The following NEBL variants were observed in gnomAD, a reference collection of about 807,000 sequenced individuals.
NEBL encodes LIM and SH3 protein 2.
In NEBL, 122 loss-of-function variants were observed where a neutral mutation model predicts 140.2. The observed-to-expected ratio is 0.87, with a 90% CI of 0.75 to 1.01. The LOEUF (loss-of-function observed/expected upper bound fraction) is 1.01. NEBL is among the 50% of genes least tolerant of loss of function. The pLI, the probability that NEBL is intolerant of heterozygous loss-of-function variation, is 0.00. For synonymous variants in NEBL, 436 were observed against 398.9 expected (o/e 1.09, Z -1.11); for missense variants, 1,365 against 1,231.3 (o/e 1.11, Z -1.62).
At chr10:21,262,016 AG>A (rs1311205455) in intron 1 of NEBL, among the ~76,000 whole-genome samples, 1 of 152,190 alleles carries the variant, frequency 6.6e-6, no homozygotes, top group Non-Finnish European at 1.5e-5. Context: ...GAAAGCCAAA[AG>A]GCCCCTCTCT....
chr10:20,814,492 C>T (rs1295627749), intron 22 of NEBL, among the ~76,000 whole-genome samples: 1 of 151,610 alleles, frequency 6.6e-6, no homozygotes, highest in Non-Finnish European at 1.5e-5. Flanking sequence ...GTCCCAGCTA[C>T]TTGAGAGGTT....
intron 4 of NEBL, among the ~76,000 whole-genome samples, chr10:20,931,211 T>C (rs1834166396): frequency 6.6e-6 from 1 of 152,184 alleles, no homozygotes; most frequent in Non-Finnish European, 1.5e-5. Context: ...AGACGCACCA[T>C]AATTCTCAAT....
In NEBL at chr10:20,859,696, T is replaced by C. The variant is rs1021328811; in HGVS notation, c.798+17A>G. 4 of 1,481,630 alleles carry C rather than the reference T, an allele frequency of 2.7e-6. No individual in the cohort carries two copies. The highest frequency in any genetic ancestry group is 3.4e-5 in the Admixed American group (2 of 58,690). 91.8% of individuals were successfully genotyped at this position (1,481,630 alleles called of 1,614,324 possible). Reference sequence around the variant, plus strand: ...TCAAAAGATTTTGAAAATAATTTTCTATGAATTACAACTTACATTGCTCGC... The same window carrying C: ...TCAAAAGATTTTGAAAATAATTTTCCATGAATTACAACTTACATTGCTCGC... On this transcript the variant is annotated intron_variant, in intron 8 of 27. Coordinates refer to ENST00000377122, the MANE Select transcript of NEBL (RefSeq NM_006393.3).
intron 16 of NEBL, among the ~76,000 whole-genome samples, chr10:20,830,912 T>TA (rs371760760): frequency 0.015 from 1,395 of 92,300 alleles, 13 homozygotes; most frequent in African/African-American, 0.029. Flanking sequence ...CTCTAAAATT[T>TA]AAAAAAAAAA....
intron 2 of NEBL, among the ~76,000 whole-genome samples, chr10:21,034,343 C>T (rs1028659806): frequency 1.3e-5 from 2 of 152,062 alleles, no homozygotes; most frequent in Non-Finnish European, 2.9e-5. Flanking sequence ...AGAACAACCA[C>T]TACCACCGGC....
At chr10:20,807,998 C>A (rs1837764941) in intron 26 of NEBL, among the ~76,000 whole-genome samples, 1 of 150,620 alleles carries the variant, frequency 6.6e-6, no homozygotes, top group Non-Finnish European at 1.5e-5. Context: ...AAAAAAAAAC[C>A]CTCTCATATC....
At chr10:21,286,732 G>C (rs1201516734) in intron 1 of NEBL, among the ~76,000 whole-genome samples, 1 of 152,160 alleles carries the variant, frequency 6.6e-6, no homozygotes, top group Non-Finnish European at 1.5e-5. Context: ...TACTCGGGAG[G>C]CTGAGGCAGG....
At chr10:21,015,913 A>G (rs558254446) in intron 3 of NEBL, among the ~76,000 whole-genome samples, 1 of 152,324 alleles carries the variant, frequency 6.6e-6, no homozygotes, top group South Asian at 2.1e-4. Flanking sequence ...TTTTGTTTCT[A>G]AGTCAGGGCT....
At position 21,172,177 on chromosome 10, in the gene NEBL, A is replaced by G. The variant is rs551670989; in HGVS notation, c.164+206T>C. 94 of 595,740 alleles carry G rather than the reference A, an allele frequency of 1.6e-4. 1 individual carries two copies. Among genetic ancestry groups the G allele is most frequent in the South Asian group, 8.3e-4 (43 of 51,786 alleles). 36.9% of individuals were successfully genotyped at this position (595,740 alleles called of 1,614,324 possible). ...CAAAAACTAACCTGATTGAAGATGC[A>G]TAGACGTTACCCAACACATTAGAAA... On this transcript the variant is annotated intron_variant, in intron 2 of 6. Transcript: ENST00000417816.
At chr10:20,797,408 T>C (rs1836658835) in intron 26 of NEBL, among the ~76,000 whole-genome samples, 1 of 152,212 alleles carries the variant, frequency 6.6e-6, no homozygotes, top group African/African-American at 2.4e-5. Context: ...TTCTGATACG[T>C]AGTTTTACAC....
intron 3 of NEBL, among the ~76,000 whole-genome samples, chr10:21,239,609 C>A (rs1019282268): frequency 2.0e-5 from 3 of 152,138 alleles, no homozygotes; most frequent in Admixed American, 2.0e-4. Flanking sequence ...GCCTCTGAAT[C>A]CCTCTCCCAA....
chr10:21,257,607 C>T (rs7076532), intron 1 of NEBL, among the ~76,000 whole-genome samples: 46,829 of 152,044 alleles, frequency 0.31, 10,328 homozygotes, highest in African/African-American at 0.62. Context: ...ACCAAAACGC[C>T]GTGCATGGTG....
intron 3 of NEBL, among the ~76,000 whole-genome samples, chr10:20,979,692 T>G (rs1008976027): frequency 6.6e-6 from 1 of 151,782 alleles, no homozygotes; most frequent in Admixed American, 6.6e-5. Flanking sequence ...TATAACACAG[T>G]TTTTTTTAAT....
At chr10:21,152,228 A>C (rs1419997107) in intron 2 of NEBL, among the ~76,000 whole-genome samples, 1 of 152,186 alleles carries the variant, frequency 6.6e-6, no homozygotes, top group Non-Finnish European at 1.5e-5. Flanking sequence ...TTTCGTGCTC[A>C]TCTGTCTGGC....
chr10:20,857,541 AC>A lies in NEBL; in HGVS notation c.903+698del, dbSNP rs1843204896. The stretch of plus-strand genomic sequence containing the variant: ...TATGGTCAAATAAGAGCTCATTGCC[AC>A]CATGAGATGTACAAAATGGAGCCAA... On this transcript the variant is annotated intron_variant, in intron 9 of 27. Transcript: ENST00000377122. Among the ~76,000 whole-genome samples the A allele has an allele frequency of 2.6e-5, 4 of 152,330 alleles. No homozygotes were observed. The South Asian group carries it at 8.3e-4, about 32-fold the overall frequency.
rs186645036 is a variant in NEBL at position 21,195,462 on chromosome 10, T to C, written n.349-22985A>G. On this transcript the variant is annotated intron_variant and non_coding_transcript_variant, in intron 3 of 8. Coordinates refer to the NEBL transcript ENST00000675702. ...TATATTCTAGTAATTAAATTGACTA[T>C]CTGTCACCAGGAAGGACTTTTATTC... 3.3e-5 allele frequency among the ~76,000 whole-genome samples: 5 copies of C among 152,348 alleles called. No individual in the cohort carries two copies. The East Asian group carries it at 9.6e-4, about 29-fold the overall frequency.
chr10:21,158,838 T>C (rs1169326251), intron 2 of NEBL, among the ~76,000 whole-genome samples: 1 of 152,234 alleles, frequency 6.6e-6, no homozygotes, highest in South Asian at 2.1e-4. Flanking sequence ...TAAATAGGAA[T>C]TGCATGAAAG....
chr10:21,015,719 C>T (rs1470537531), intron 3 of NEBL, among the ~76,000 whole-genome samples: 3 of 152,098 alleles, frequency 2.0e-5, no homozygotes, highest in Non-Finnish European at 4.4e-5. Flanking sequence ...CCCTATGGCG[C>T]CCAGACTGAT....
chr10:21,056,880 G>A (rs1289335022), intron 2 of NEBL, among the ~76,000 whole-genome samples: 2 of 152,172 alleles, frequency 1.3e-5, no homozygotes, highest in Non-Finnish European at 2.9e-5. Context: ...TGGTCAGGGA[G>A]GGCTCCATGC....
Sources: allele counts gnomAD v4.1 joint callset (sites outside exome capture counted in the v4.1 genomes callset), GRCh38; gene constraint gnomAD v4.1.1; transcripts MANE v1.5; gene names NCBI Gene and HGNC (gene_info 2026-07-23, HGNC 2026-07-21).